Variants in SLC16A8 observed in about 807,000 individuals in gnomAD.
SLC16A8 encodes the protein monocarboxylate transporter 3.
In SLC16A8, 20 loss-of-function variants were observed where a neutral mutation model predicts 22.4. The observed-to-expected ratio is 0.89, with a 90% confidence interval of 0.63 to 1.30. The LOEUF is 1.30. SLC16A8 is among the 50% of genes most tolerant of loss of function. SLC16A8 has a pLI of 0.00. For synonymous variants in SLC16A8, 393 were observed against 358.8 expected, an observed-to-expected ratio of 1.10 and a Z score of -1.08; for missense variants, 817 against 740.3, an observed-to-expected ratio of 1.10 and a Z score of -1.20.
chr22:38,082,577 G>T, intron 3 of SLC16A8, 83 bp downstream of exon 3: 1 of 1,212,886 alleles, frequency 8.2e-7, no homozygotes. Flanking sequence ...CGAGGGTCAG[G>T]GGGATGCTCA....
Position 38,078,324 on chromosome 22 carries a change from G to A in SLC16A8, c.*64C>T, listed in dbSNP as rs2085873962. On this transcript the variant is annotated 3_prime_UTR_variant, in exon 6 of 6. Coordinates refer to ENST00000681075, the MANE Select transcript of SLC16A8 (RefSeq NM_013356.3). ...CCCAGACCAGCCTCCCAGCGTACCA[G>A]GCTCTCTGAGACAAGAAGCTGTGTT... The A allele has an allele frequency of 6.7e-7, 1 of 1,483,270 alleles. No homozygotes were observed. Among genetic ancestry groups the A allele is most frequent in the Admixed American group, 1.8e-5 (1 of 54,098 alleles). The allele number at this position is 1,483,270 out of a possible 1,614,324, so 91.9% of individuals were successfully genotyped here. A position where few individuals can be genotyped will look rare whatever the true frequency, so the allele number is the denominator to read the frequency against.
In SLC16A8 at chr22:38,082,862, G is replaced by T. The variant is rs913752636; in HGVS notation, c.12C>A (p.Gly4=). 9.5e-5 allele frequency: 146 copies of T among 1,543,668 alleles called. No homozygotes were observed. Among genetic ancestry groups the T allele is most frequent in the Non-Finnish European group, 1.2e-4 (138 of 1,148,702 alleles). Residue 4 remains glycine (G), a synonymous_variant, in exon 3 of 6, where the codon GGC becomes GGA. Transcript: ENST00000681075. MGA[G]GPRRGEGPPD... ...GGGGGCCCTCGCCCCGCCGGGGGCC[G>T]CCAGCGCCCATCGCTGCCTCTGTTG...
intron 3 of SLC16A8, 99 bp from the exon 4 acceptor site, chr22:38,082,131 T>C: frequency 7.3e-7 from 1 of 1,373,480 alleles, no homozygotes; most frequent in South Asian, 1.4e-5. Flanking sequence ...AGGAGGGCAG[T>C]GTCTGGCCAA....
Position 38,078,436 on chromosome 22 carries a change from T to C in SLC16A8, c.1467A>G (p.Thr489=). The stretch of plus-strand genomic sequence containing the variant: ...TCGGCCTCGCCTCTATTTCTGGTTC[T>C]GTGGGCTCGCCCCGGGCGCTGAGCA... ...LEVLSARGEP[T]EPEIEARPRL... is the part of the protein sequence containing the mutation. Residue 489 remains threonine, a synonymous_variant, in exon 6 of 6, where the codon ACA becomes ACG. Transcript: ENST00000681075. 1 of 1,611,340 alleles carries C rather than the reference T, an allele frequency of 6.2e-7. No homozygotes were observed.
At chr22:38,083,409 A>G (rs2085951000) in intron 1 of SLC16A8, 48 bp from the exon 2 acceptor site, 1 of 153,040 alleles carries the variant, frequency 6.5e-6, no homozygotes, top group African/African-American at 2.4e-5. Flanking sequence ...TTCAACAGAT[A>G]TCAGCCAGGG....
chr22:38,082,014 AG>A lies in SLC16A8; in HGVS notation c.232del (p.Leu78SerfsTer2). Reference sequence around the variant, plus strand: ...CGGGCGACAGCCAAAGCGGGTCACGAGGATGCTGGACACGGGGCCTGTGGGC... The same window carrying A: ...CGGGCGACAGCCAAAGCGGGTCACGAGATGCTGGACACGGGGCCTGTGGGC... ...LYGTGPVSSILVTRFGCRPVM... is the reference protein window; with the variant it reads ...LYGTGPVSSIXVTRFGCRPVM... On this transcript the variant is annotated frameshift_variant, in exon 4 of 6. Coordinates refer to ENST00000681075, the MANE Select transcript of SLC16A8 (RefSeq NM_013356.3). LOFTEE classifies it high-confidence loss of function. The A allele has an allele frequency of 6.3e-7, 1 of 1,579,094 alleles. No homozygotes were observed. The highest frequency in any genetic ancestry group is 2.3e-5 in the East Asian group (1 of 42,882).
rs775208331 is a variant in SLC16A8, at chr22:38,080,839, C to T, written c.1198+1G>A. On this transcript the variant is annotated splice_donor_variant, in intron 5 of 5. Coordinates refer to ENST00000681075, the MANE Select transcript of SLC16A8 (RefSeq NM_013356.3). LOFTEE classifies it high-confidence loss of function. ...CCACCCCCTCTTCCTTCGGGGCGCA[C>T]CGGCAGAGGGCGGTCCGATGAGCAC... The T allele has an allele frequency of 6.7e-7, 1 of 1,492,922 alleles. No individual in the cohort carries two copies. The highest frequency in any genetic ancestry group is 2.5e-5 in the East Asian group (1 of 40,694). The allele number at this position is 1,492,922 out of a possible 1,614,324, so 92.5% of individuals were successfully genotyped here. A position where few individuals can be genotyped will look rare whatever the true frequency, so the allele number is the denominator to read the frequency against.
Position 38,078,686 on chromosome 22 carries a change from A to G in SLC16A8, c.1217T>C (p.Leu406Ser), listed in dbSNP as rs2085879274. ...PPSAGRLVDV[L>S]KNYEIIFYLA... is the part of the protein sequence containing the mutation. ...GTAGAAGATGATCTCATAGTTCTTC[A>G]ACACATCCACCAGGCGGCCTGGGGA... The change falls in exon 6 of 6, where the codon TTG (leucine) becomes TCG (serine). Residue 406 changes from leucine to serine, a missense_variant. Physicochemically the swap from Leu to Ser is moderately radical, Grantham distance 145. Transcript: ENST00000681075. The G allele has an allele frequency of 6.2e-7, 1 of 1,607,180 alleles. No homozygotes were observed. Among genetic ancestry groups the G allele is most frequent in the East Asian group, 2.2e-5 (1 of 44,656 alleles).
In SLC16A8 at chr22:38,078,316, G is replaced by C. The variant is rs1601967365; in HGVS notation, c.*72C>G. 2.8e-6 allele frequency: 4 copies of C among 1,446,084 alleles called. No homozygotes were observed. Among genetic ancestry groups the C allele is most frequent in the African/African-American group, 2.8e-5 (2 of 71,338 alleles). 89.6% of individuals were successfully genotyped at this position (1,446,084 alleles called of 1,614,324 possible). On this transcript the variant is annotated 3_prime_UTR_variant, in exon 6 of 6. Coordinates refer to ENST00000681075, the MANE Select transcript of SLC16A8 (RefSeq NM_013356.3). ...GTGACCACCCCAGACCAGCCTCCCA[G>C]CGTACCAGGCTCTCTGAGACAAGAA...
rs2085872674 is a variant in SLC16A8, at chr22:38,078,175, T to A, written c.*213A>T. ...AGCTTTATCACCAGTTTCCTGTTGC[T>A]CCATAGCAGCTTCACTGGCGATGGG... On this transcript the variant is annotated 3_prime_UTR_variant, in exon 6 of 6. Transcript: ENST00000681075. The A allele has an allele frequency of 9.0e-6, 5 of 555,968 alleles. No individual in the cohort carries two copies. Among genetic ancestry groups the A allele is most frequent in the Non-Finnish European group, 6.4e-6 (2 of 311,872 alleles). 34.4% of individuals were successfully genotyped at this position (555,968 alleles called of 1,614,324 possible).
chr22:38,081,010 T>G lies in SLC16A8; in HGVS notation c.1028A>C (p.Tyr343Ser). 1 of 1,598,052 alleles carries G rather than the reference T, an allele frequency of 6.3e-7. No homozygotes were observed. Among genetic ancestry groups the G allele is most frequent in the Non-Finnish European group, 8.5e-7 (1 of 1,177,792 alleles). The change falls in exon 5 of 6, where the codon TAC (tyrosine) becomes TCC (serine). Residue 343 changes from tyrosine to serine, a missense_variant. Physicochemically the swap from Tyr to Ser is moderately radical, Grantham distance 144. Coordinates refer to ENST00000681075, the MANE Select transcript of SLC16A8 (RefSeq NM_013356.3). ...GACGCAGAAGGCGACGAGGGCGCCG[T>G]AGGAGCGCGCGCGTGCGCTGCTCAG... Reference protein sequence around the residue: ...TDLSSARARSYGALVAFCVAF... With the variant: ...TDLSSARARSSGALVAFCVAF...
intron 3 of SLC16A8, 95 bp from the exon 4 acceptor site, chr22:38,082,127 G>T: frequency 7.3e-7 from 1 of 1,361,440 alleles, no homozygotes; most frequent in Non-Finnish European, 9.9e-7. Flanking sequence ...AGAGAGGAGG[G>T]CAGTGTCTGG....
intron 3 of SLC16A8, 142 bp from the exon 4 acceptor site, chr22:38,082,174 G>T: frequency 9.6e-7 from 1 of 1,042,144 alleles, no homozygotes; most frequent in Non-Finnish European, 1.3e-6. Flanking sequence ...AGGCCAAAGA[G>T]ACAGCATCCT....
rs1258070532 is a variant in SLC16A8, at chr22:38,081,067, C to G, written c.971G>C (p.Ser324Thr). ...RLRPHVPYLF[S>T]LALLANGLTD... The stretch of plus-strand genomic sequence containing the variant: ...GAGCCCATTGGCCAGCAGGGCCAGG[C>G]TGAACAGATACGGGACGTGCGGCCG... The change falls in exon 5 of 6, where the codon AGC becomes ACC. Residue 324 changes from serine (S) to threonine (T), a missense_variant. Ser to Thr is a moderately conservative substitution (Grantham distance 58, BLOSUM62 1). Coordinates refer to ENST00000681075, the MANE Select transcript of SLC16A8 (RefSeq NM_013356.3). 2 of 1,581,872 alleles carry G rather than the reference C, an allele frequency of 1.3e-6. No individual in the cohort carries two copies. Among genetic ancestry groups the G allele is most frequent in the Non-Finnish European group, 1.7e-6 (2 of 1,169,284 alleles).
chr22:38,080,967 G>T lies in SLC16A8; in HGVS notation c.1071C>A (p.Tyr357Ter). ...CGAACTGCAGCGCGCCCACCATGCCGTAGGAGAGGCCGAAGGCGACGCAGA... is the reference window on the plus strand; with the variant it reads ...CGAACTGCAGCGCGCCCACCATGCCTTAGGAGAGGCCGAAGGCGACGCAGA... ...VAFCVAFGLS[Y>*]GMVGALQFEV... is the part of the protein sequence containing the mutation. The change falls in exon 5 of 6, where the codon TAC becomes TAA. Residue 357 changes from tyrosine to a stop codon, truncating the protein, a stop_gained. Transcript: ENST00000681075. LOFTEE classifies it high-confidence loss of function. 6.3e-7 allele frequency: 1 copy of T among 1,596,414 alleles called. No homozygotes were observed. The highest frequency in any genetic ancestry group is 8.5e-7 in the Non-Finnish European group (1 of 1,176,690).
In SLC16A8 at chr22:38,081,336, G is replaced by T; in HGVS notation, c.702C>A (p.Pro234=). The change falls in exon 5 of 6, where the codon CCC becomes CCA. Residue 234 remains proline, a synonymous_variant. Coordinates refer to ENST00000681075, the MANE Select transcript of SLC16A8 (RefSeq NM_013356.3). ...GCAGGCGCCGGCGGGGCCGGACCCT[G>T]GGGGATGCCTCGCGCAGCTGCAGCC... is the stretch of plus-strand genomic sequence containing the variant. The part of the protein sequence containing the change: ...GAGLQLREAS[P]RVRPRRRLLD... 1 of 1,471,454 alleles carries T rather than the reference G, an allele frequency of 6.8e-7. No homozygotes were observed. Among genetic ancestry groups the T allele is most frequent in the East Asian group, 2.8e-5 (1 of 36,208 alleles). The allele number at this position is 1,471,454 out of a possible 1,614,324, so 91.1% of individuals were successfully genotyped here. A position where few individuals can be genotyped will look rare whatever the true frequency, so the allele number is the denominator to read the frequency against.
At position 38,081,925 on chromosome 22, in the gene SLC16A8, G is replaced by A; in HGVS notation, c.322C>T (p.Leu108Phe). ...CCAGCGGTCAGGTAGAGCTCCAGGA[G>A]GCGCGTGGCAAAGGAAGCTAGGATC... ...GMILASFATR[L>F]LELYLTAGVL... The change falls in exon 4 of 6, where the codon CTC (leucine) becomes TTC (phenylalanine). Residue 108 changes from leucine (L) to phenylalanine (F), a missense_variant. Transcript: ENST00000681075. The A allele has an allele frequency of 1.3e-6, 2 of 1,577,654 alleles. No individual in the cohort carries two copies. Among genetic ancestry groups the A allele is most frequent in the African/African-American group, 2.7e-5 (2 of 74,318 alleles).
At position 38,081,442 on chromosome 22, in the gene SLC16A8, C is replaced by G. The variant is rs1469305710; in HGVS notation, c.596G>C (p.Gly199Ala). 3.1e-6 allele frequency: 4 copies of G among 1,286,626 alleles called. No individual in the cohort carries two copies. Among genetic ancestry groups the G allele is most frequent in the Non-Finnish European group, 3.9e-6 (4 of 1,024,334 alleles). The allele number at this position is 1,286,626 out of a possible 1,614,324, so 79.7% of individuals were successfully genotyped here. A position where few individuals can be genotyped will look rare whatever the true frequency, so the allele number is the denominator to read the frequency against. ...ACGAVMRPPPGPGPRPRRDSA... is the reference protein window; with the variant it reads ...ACGAVMRPPPAPGPRPRRDSA... ...GTCCCTGCGCGGTCGCGGGCCCGGC[C>G]CGGGCGGCGGCCTCATGACAGCCCC... is the stretch of plus-strand genomic sequence containing the variant. Residue 199 changes from glycine to alanine, a missense_variant, in exon 5 of 6, where the codon GGG becomes GCG. Gly to Ala is a moderately conservative substitution (Grantham distance 60). Transcript: ENST00000681075.
chr22:38,082,130 G>C (rs2145900086), intron 3 of SLC16A8, 98 bp from the exon 4 acceptor site: 1 of 1,373,588 alleles, frequency 7.3e-7, no homozygotes, highest in East Asian at 2.5e-5. Flanking sequence ...GAGGAGGGCA[G>C]TGTCTGGCCA....
Sources: allele counts gnomAD v4.1 joint callset, GRCh38; gene constraint gnomAD v4.1.1; transcripts MANE v1.5; gene names NCBI Gene and HGNC (gene_info 2026-07-23, HGNC 2026-07-21).